SETBP1: variants seen among roughly 807,000 people sequenced by gnomAD.
The protein encoded by SETBP1 is SET binding protein 1.
SETBP1 carries 9 observed loss-of-function variants against 101.0 expected under a neutral mutation model. The ratio of observed to expected loss-of-function variants is 0.09; its 90% CI spans 0.05 to 0.16. The LOEUF is 0.16. Among genes scored for constraint, SETBP1 ranks in the 10% least tolerant of loss-of-function variants. SETBP1 has a pLI of 1.00. For synonymous variants in SETBP1, 818 were observed against 788.5 expected (o/e 1.04, Z -0.63); for missense variants, 1,858 against 2,033.8 (o/e 0.91, Z 1.66).
At chr18:44,993,931 A>G (rs2072436781) in intron 4 of SETBP1, among the ~76,000 whole-genome samples, 1 of 152,082 alleles carries the variant, frequency 6.6e-6, no homozygotes, top group Non-Finnish European at 1.5e-5. Flanking sequence ...TTTAGAAAAT[A>G]TAGAGCAACA....
chr18:44,964,349 G>T (rs2071676381), intron 4 of SETBP1, among the ~76,000 whole-genome samples: 1 of 152,068 alleles, frequency 6.6e-6, no homozygotes, highest in African/African-American at 2.4e-5. Context: ...AAACCAGCCT[G>T]GGCAACAGGA....
intron 4 of SETBP1, among the ~76,000 whole-genome samples, chr18:45,009,836 T>C (rs980445528): frequency 5.9e-5 from 9 of 152,162 alleles, no homozygotes; most frequent in African/African-American, 1.9e-4. Context: ...CTTCTGAGTC[T>C]CACTGCCTTA....
At chr18:44,935,399 T>A (rs1349108140) in intron 3 of SETBP1, among the ~76,000 whole-genome samples, 1 of 152,118 alleles carries the variant, frequency 6.6e-6, no homozygotes. Flanking sequence ...TGCTCTTTCT[T>A]ATCTATTTTT....
chr18:44,942,400 C>T (rs2071107399), intron 3 of SETBP1, among the ~76,000 whole-genome samples: 1 of 152,096 alleles, frequency 6.6e-6, no homozygotes, highest in Admixed American at 6.6e-5. Flanking sequence ...TAAGATAATC[C>T]CTATGAAGGT....
At chr18:45,027,914 G>A (rs571532292) in intron 4 of SETBP1, among the ~76,000 whole-genome samples, 1 of 152,268 alleles carries the variant, frequency 6.6e-6, no homozygotes, top group African/African-American at 2.4e-5. Context: ...GCTTCTAGAT[G>A]CCATCTGCAT....
chr18:44,936,106 C>T (rs1301072418), intron 3 of SETBP1, among the ~76,000 whole-genome samples: 1 of 152,232 alleles, frequency 6.6e-6, no homozygotes, highest in African/African-American at 2.4e-5. Context: ...CCCTCAATGC[C>T]TTCCTACTGC....
At chr18:44,745,598 G>T in intron 2 of SETBP1, among the ~76,000 whole-genome samples, 1 of 152,222 alleles carries the variant, frequency 6.6e-6, no homozygotes, top group East Asian at 1.9e-4. Context: ...TAACAATTTT[G>T]TAAAGCATTA....
At chr18:44,843,535 C>T (rs1489574550) in intron 2 of SETBP1, among the ~76,000 whole-genome samples, 5 of 152,134 alleles carry the variant, frequency 3.3e-5, no homozygotes, top group African/African-American at 4.8e-5. Flanking sequence ...AGTTAGTGGC[C>T]GAGCAGGGTT....
chr18:44,806,392 T>A (rs938921864), intron 2 of SETBP1, among the ~76,000 whole-genome samples: 2 of 152,100 alleles, frequency 1.3e-5, no homozygotes, highest in Non-Finnish European at 2.9e-5. Context: ...TATTTTCTCC[T>A]TTTCATATCT....
intron 2 of SETBP1, among the ~76,000 whole-genome samples, chr18:44,845,944 G>A (rs370882158): frequency 1.1e-4 from 16 of 152,318 alleles, no homozygotes; most frequent in Non-Finnish European, 1.9e-4. Flanking sequence ...TTTGTGTGAC[G>A]CTGTGTCTGA....
At chr18:45,057,526 G>T (rs1400137406) in intron 5 of SETBP1, among the ~76,000 whole-genome samples, 2 of 152,164 alleles carry the variant, frequency 1.3e-5, no homozygotes, top group African/African-American at 4.8e-5. Flanking sequence ...GAGAAAAAAA[G>T]ATGTGGCCTT....
At chr18:44,832,788 G>A (rs966805012) in intron 2 of SETBP1, among the ~76,000 whole-genome samples, 3 of 152,168 alleles carry the variant, frequency 2.0e-5, no homozygotes, top group Non-Finnish European at 4.4e-5. Flanking sequence ...AGAAACAGCT[G>A]TCTACCCACA....
At chr18:44,852,508 C>T (rs2144592764) in intron 2 of SETBP1, among the ~76,000 whole-genome samples, 1 of 152,266 alleles carries the variant, frequency 6.6e-6, no homozygotes, top group East Asian at 1.9e-4. Flanking sequence ...CTCCTCTATG[C>T]CCCATATATG....
chr18:44,721,992 TA>T (rs1197396394), intron 2 of SETBP1, among the ~76,000 whole-genome samples: 1 of 152,246 alleles, frequency 6.6e-6, no homozygotes, highest in Non-Finnish European at 1.5e-5. Context: ...GTTTGCCAAC[TA>T]GAGGGTATCT....
intron 4 of SETBP1, among the ~76,000 whole-genome samples, chr18:45,011,750 A>G (rs1363510263): frequency 1.3e-5 from 2 of 152,192 alleles, no homozygotes; most frequent in Admixed American, 6.5e-5. Context: ...GCACTGCCCC[A>G]TGAGTCAGAC....
chr18:45,053,226 A>G (rs1178166589), intron 5 of SETBP1, among the ~76,000 whole-genome samples: 3 of 152,166 alleles, frequency 2.0e-5, no homozygotes, highest in Non-Finnish European at 4.4e-5. Flanking sequence ...TTCTGTACTA[A>G]CCACTTCATA....
At chr18:44,867,028 G>A (rs560942837) in intron 2 of SETBP1, among the ~76,000 whole-genome samples, 34 of 152,306 alleles carry the variant, frequency 2.2e-4, no homozygotes, top group Admixed American at 4.6e-4. Flanking sequence ...GAAAAAGCAT[G>A]AGCTTTGGGA....
Position 44,755,532 on chromosome 18 carries a change from G to C in SETBP1, c.486+53700G>C, listed in dbSNP as rs143308584. Among the ~76,000 whole-genome samples the C allele has an allele frequency of 2.8e-4, 43 of 151,696 alleles. No homozygotes were observed. The East Asian group carries it at 7.2e-3, about 25-fold the overall frequency. On this transcript the variant is annotated intron_variant, in intron 2 of 5. Coordinates refer to ENST00000649279, the MANE Select transcript of SETBP1 (RefSeq NM_015559.3). Reference sequence around the variant, plus strand: ...TTAGACATCAAACTCCAGGTTTGTAGGCTTTTGGACTCTGGAACTTACAGC... The same window carrying C: ...TTAGACATCAAACTCCAGGTTTGTACGCTTTTGGACTCTGGAACTTACAGC...
At chr18:44,830,422 T>C (rs1239327846) in intron 2 of SETBP1, among the ~76,000 whole-genome samples, 1 of 152,216 alleles carries the variant, frequency 6.6e-6, no homozygotes, top group African/African-American at 2.4e-5. Flanking sequence ...CAAAGGCTCT[T>C]TCCAGAATGT....
Sources: gnomAD v4.1 joint callset for allele counts (sites outside exome capture counted in the v4.1 genomes callset) on GRCh38, gnomAD v4.1.1 for gene constraint, MANE v1.5 for transcripts, NCBI Gene and HGNC (gene_info 2026-07-23, HGNC 2026-07-21) for gene names.